The following IL18R1 variants were observed in gnomAD, a reference collection of about 807,000 sequenced individuals.
The protein encoded by IL18R1 is interleukin-18 receptor 1.
In IL18R1, 40 loss-of-function variants were observed where a neutral mutation model predicts 48.5. That is an observed-to-expected ratio of 0.82 (90% confidence interval 0.64 to 1.07). The LOEUF (loss-of-function observed/expected upper bound fraction) is 1.07, where lower values mean the gene tolerates loss of function less well. Ranked by LOEUF, IL18R1 falls within the 50% of genes least tolerant of loss-of-function variation. The pLI, the probability that IL18R1 is intolerant of heterozygous loss-of-function variation, is 0.00. For missense variants in IL18R1, 596 were observed against 633.7 expected, an observed-to-expected ratio of 0.94 and a Z score of 0.64; for synonymous variants, 232 against 225.9, an observed-to-expected ratio of 1.03 and a Z score of -0.24.
At chr2:102,376,819 C>A (rs930951346) in intron 5 of IL18R1, among the ~76,000 whole-genome samples, 1 of 152,222 alleles carries the variant, frequency 6.6e-6, no homozygotes, top group East Asian at 1.9e-4. Context: ...ATCATCCAGT[C>A]CCTTCTTGGG....
chr2:102,382,721 A>G (rs1010633255), intron 6 of IL18R1, among the ~76,000 whole-genome samples: 2 of 152,188 alleles, frequency 1.3e-5, no homozygotes, highest in Non-Finnish European at 1.5e-5. Flanking sequence ...TTATAACCAC[A>G]GTTGGGGTCA....
chr2:102,375,291 T>C lies in IL18R1; in HGVS notation c.469-616T>C, dbSNP rs528872473. ...AAGAAAGTGGCTTTATTACAATTAGTATTAATTCCTGTGACATGTATGGAA... is the reference window on the plus strand; with the variant it reads ...AAGAAAGTGGCTTTATTACAATTAGCATTAATTCCTGTGACATGTATGGAA... On this transcript the variant is annotated intron_variant, in intron 4 of 10. Transcript: ENST00000233957. 7.2e-5 allele frequency among the ~76,000 whole-genome samples: 11 copies of C among 152,320 alleles called. No individual in the cohort carries two copies. In the South Asian group the frequency reaches 2.3e-3, roughly 32 times the overall value.
At chr2:102,386,602 CAT>C (rs1680242357) in intron 7 of IL18R1, among the ~76,000 whole-genome samples, 1 of 152,222 alleles carries the variant, frequency 6.6e-6, no homozygotes, top group African/African-American at 2.4e-5. Flanking sequence ...AACTTAGCAT[CAT>C]GATCTTCCAG....
Position 102,367,919 on chromosome 2 carries a change from A to C in IL18R1, c.153A>C (p.Thr51=), listed in dbSNP as rs368716787. The C allele has an allele frequency of 2.5e-6, 4 of 1,614,246 alleles. No individual in the cohort carries two copies. The highest frequency in any genetic ancestry group is 3.4e-6 in the Non-Finnish European group (4 of 1,180,034). ...CSCSLAHEIE[T]TTKSWYKSSG... is the part of the protein sequence containing the mutation. ...GTTCACTTGCACATGAGATTGAAAC[A>C]ACCACCAAAAGCTGGTACAAAAGCA... Residue 51 remains threonine, a synonymous_variant, in exon 3 of 11, where the codon ACA becomes ACC. Transcript: ENST00000233957.
chr2:102,382,197 C>A (rs1044081612), intron 6 of IL18R1, among the ~76,000 whole-genome samples: 19 of 152,158 alleles, frequency 1.2e-4, no homozygotes, highest in Middle Eastern at 6.8e-3. Flanking sequence ...CTCTTGAACC[C>A]AGGAGGCAAG....
At chr2:102,394,908 C>G (rs750140557) in intron 10 of IL18R1, among the ~76,000 whole-genome samples, 2 of 152,254 alleles carry the variant, frequency 1.3e-5, no homozygotes, top group African/African-American at 4.8e-5. Flanking sequence ...CCAGAGCTGG[C>G]GTTATCATGA....
intron 9 of IL18R1, among the ~76,000 whole-genome samples, chr2:102,393,720 A>G (rs2105131326): frequency 6.6e-6 from 1 of 152,292 alleles, no homozygotes; most frequent in East Asian, 1.9e-4. Context: ...TCATGGGATA[A>G]AGGTAGACCA....
At chr2:102,368,437 G>A (rs1679041608) in intron 3 of IL18R1, among the ~76,000 whole-genome samples, 1 of 152,136 alleles carries the variant, frequency 6.6e-6, no homozygotes, top group Non-Finnish European at 1.5e-5. Flanking sequence ...GTTGCGAATG[G>A]GGCAGTGTCA....
chr2:102,388,693 C>A lies in IL18R1; in HGVS notation c.950-1363C>A, dbSNP rs181714983. Among the ~76,000 whole-genome samples, 939 of 152,298 alleles carry A rather than the reference C, an allele frequency of 6.2e-3. 16 individuals carry two copies. Among genetic ancestry groups the A allele is most frequent in the African/African-American group, 0.021 (880 of 41,570 alleles). On this transcript the variant is annotated intron_variant, in intron 8 of 10. Transcript: ENST00000233957. Reference sequence around the variant, plus strand: ...ATTGGGGCTCACAACCCACCATCACCCCGTGCCAATGTGTGCGTGCGTGTT... The same window carrying A: ...ATTGGGGCTCACAACCCACCATCACACCGTGCCAATGTGTGCGTGCGTGTT...
chr2:102,388,759 C>T (rs534943775), intron 8 of IL18R1, among the ~76,000 whole-genome samples: 7 of 152,280 alleles, frequency 4.6e-5, no homozygotes, highest in Non-Finnish European at 8.8e-5. Context: ...GCAGTCCTTT[C>T]CAAGGTACAG....
At chr2:102,381,147 A>G (rs1573214585) in intron 5 of IL18R1, among the ~76,000 whole-genome samples, 1 of 152,308 alleles carries the variant, frequency 6.6e-6, no homozygotes, top group African/African-American at 2.4e-5. Context: ...CCTGGGGCAC[A>G]ATATTGAAGG....
rs763458027 is a variant in IL18R1, at chr2:102,384,958, T to C, written c.769T>C (p.Ser257Pro). Residue 257 changes from serine to proline, a missense_variant, in exon 7 of 11, where the codon TCG becomes CCG. Ser to Pro is a moderately conservative substitution (Grantham distance 74, BLOSUM62 -1). Around this residue, in one of 3 missense-constraint regions of IL18R1, gnomAD observed 360 missense variants for 339.4 expected, o/e 1.06. Coordinates refer to ENST00000233957, the MANE Select transcript of IL18R1 (RefSeq NM_003855.5). ...IYWMFGEENG[S>P]DPNIHEEKEM... ...TTGGATGTTCGGGGAAGAAAATGGA[T>C]CGGATCCTAATATACATGAAGAGAA... 1 of 1,606,258 alleles carries C rather than the reference T, an allele frequency of 6.2e-7. No homozygotes were observed. The highest frequency in any genetic ancestry group is 1.7e-5 in the Admixed American group (1 of 59,952).
chr2:102,371,069 T>G (rs1324957780), intron 3 of IL18R1, among the ~76,000 whole-genome samples: 5 of 152,166 alleles, frequency 3.3e-5, no homozygotes, highest in Non-Finnish European at 2.9e-5. Flanking sequence ...TGTTGTTGTT[T>G]TTTTGAGATG....
chr2:102,375,522 A>G (rs576578299), intron 4 of IL18R1, among the ~76,000 whole-genome samples: 1 of 152,298 alleles, frequency 6.6e-6, no homozygotes, highest in East Asian at 1.9e-4. Context: ...TGGACTGAAC[A>G]TGTATGAAAT....
chr2:102,377,518 G>A (rs564865050), intron 5 of IL18R1, among the ~76,000 whole-genome samples: 3 of 152,222 alleles, frequency 2.0e-5, no homozygotes, highest in Non-Finnish European at 2.9e-5. Context: ...GGGTTTCACC[G>A]TGTTAGCCAG....
At chr2:102,359,178 G>A (rs1304825884) in intron 1 of IL18R1, among the ~76,000 whole-genome samples, 1 of 152,154 alleles carries the variant, frequency 6.6e-6, no homozygotes, top group Non-Finnish European at 1.5e-5. Context: ...TAACAATAGA[G>A]AAGTAATTAG....
intron 10 of IL18R1, 133 bp downstream of exon 10, chr2:102,394,760 C>A (rs112908946): frequency 3.3e-6 from 2 of 609,750 alleles, no homozygotes; most frequent in Non-Finnish European, 2.7e-6. Context: ...GAAATAACCA[C>A]GTAAGTCAAC....
At chr2:102,359,662 A>C (rs1477537956) in intron 1 of IL18R1, among the ~76,000 whole-genome samples, 1 of 152,212 alleles carries the variant, frequency 6.6e-6, no homozygotes, top group Non-Finnish European at 1.5e-5. Flanking sequence ...AAAGCTGCTC[A>C]GTGTGCTTCT....
intron 5 of IL18R1, 105 bp from the exon 6 acceptor site, chr2:102,381,515 T>G (rs1488395320): frequency 1.2e-6 from 1 of 816,108 alleles, no homozygotes; most frequent in Non-Finnish European, 2.1e-6. Context: ...AACCAGTAAC[T>G]ATTGGAATCT....
Sources: allele counts gnomAD v4.1 joint callset (sites outside exome capture counted in the v4.1 genomes callset), GRCh38; gene constraint gnomAD v4.1.1; regional missense constraint gnomAD v4.1.1; transcripts MANE v1.5; gene names NCBI Gene and HGNC (gene_info 2026-07-23, HGNC 2026-07-21).